The following PTPRE variants were observed in gnomAD, a reference collection of about 807,000 sequenced individuals.
The protein encoded by PTPRE is receptor-type tyrosine-protein phosphatase epsilon.
A neutral mutation model predicts 102.0 loss-of-function variants in PTPRE; 51 were observed. The observed-to-expected ratio is 0.50, with a 90% CI of 0.40 to 0.63. The LOEUF is 0.63. Among genes scored for constraint, PTPRE ranks in the 30% least tolerant of loss-of-function variants. PTPRE has a pLI of 0.00. For synonymous variants in PTPRE, 345 were observed against 348.2 expected (o/e 0.99, Z 0.10); for missense variants, 752 against 915.1 (o/e 0.82, Z 2.30).
chr10:127,990,543 T>A (rs1326131122), intron 2 of PTPRE, among the ~76,000 whole-genome samples: 1 of 151,950 alleles, frequency 6.6e-6, no homozygotes, highest in East Asian at 1.9e-4. Flanking sequence ...TTTAAAGACA[T>A]CTTCAAGACC....
chr10:127,935,295 G>GT (rs1457260634), intron 1 of PTPRE, among the ~76,000 whole-genome samples: 4 of 152,002 alleles, frequency 2.6e-5, no homozygotes, highest in Non-Finnish European at 5.9e-5. Flanking sequence ...TGCGTCAGGA[G>GT]TAAGCAGAGC....
intron 1 of PTPRE, among the ~76,000 whole-genome samples, chr10:127,912,477 C>A (rs1187985087): frequency 6.6e-6 from 1 of 152,042 alleles, no homozygotes; most frequent in Non-Finnish European, 1.5e-5. Flanking sequence ...AGAAATCTTT[C>A]TCCCAAAAAC....
At chr10:127,949,065 C>G (rs1417906181) in intron 1 of PTPRE, among the ~76,000 whole-genome samples, 1 of 152,248 alleles carries the variant, frequency 6.6e-6, no homozygotes, top group Non-Finnish European at 1.5e-5. Context: ...ACACCAGTGC[C>G]CCACCCTCAA....
chr10:127,924,593 C>T (rs536971577), intron 1 of PTPRE, among the ~76,000 whole-genome samples: 1 of 152,316 alleles, frequency 6.6e-6, no homozygotes, highest in Admixed American at 6.5e-5. Flanking sequence ...TTTTTACCAT[C>T]AGGTAACAGT....
intron 1 of PTPRE, among the ~76,000 whole-genome samples, chr10:127,933,540 G>A (rs757254269): frequency 6.6e-6 from 1 of 152,128 alleles, no homozygotes; most frequent in Non-Finnish European, 1.5e-5. Flanking sequence ...TAAACTCTGC[G>A]AGAATTCTGA....
chr10:127,984,013 A>AGCCG (rs1851861170), intron 2 of PTPRE, among the ~76,000 whole-genome samples: 1 of 151,078 alleles, frequency 6.6e-6, no homozygotes, highest in Non-Finnish European at 1.5e-5. Context: ...TGGCGGCCAG[A>AGCCG]GCCGCTTCAG....
At chr10:128,073,153 C>T (rs182471872) in intron 16 of PTPRE, among the ~76,000 whole-genome samples, 184 bp from the exon 17 acceptor site, 8 of 152,278 alleles carry the variant, frequency 5.3e-5, no homozygotes, top group South Asian at 2.1e-4. Context: ...TTCAGATAAG[C>T]GAGCTTCTTG....
intron 10 of PTPRE, among the ~76,000 whole-genome samples, chr10:128,064,719 T>G (rs947105724): frequency 3.3e-5 from 5 of 152,252 alleles, no homozygotes; most frequent in Non-Finnish European, 5.9e-5. Flanking sequence ...TTTCCACTCC[T>G]GTGACTCAGT....
In PTPRE at chr10:128,082,878, T is replaced by C. The variant is rs773016350; in HGVS notation, c.2075T>C (p.Ile692Thr). 6 of 1,555,338 alleles carry C rather than the reference T, an allele frequency of 3.9e-6. No homozygotes were observed. The South Asian group carries it at 7.8e-5, about 20-fold the overall frequency. The change falls in exon 21 of 21, where the codon ATA becomes ACA. Residue 692 changes from isoleucine to threonine, a missense_variant. Transcript: ENST00000254667. Reference sequence around the variant, plus strand: ...AAAGTGGTACAAGATTTTATTGATATATTTTCTGATTATGCTAATTTCAAA... The same window carrying C: ...AAAGTGGTACAAGATTTTATTGATACATTTTCTGATTATGCTAATTTCAAA... Reference protein sequence around the residue: ...CYKVVQDFIDIFSDYANFK With the variant: ...CYKVVQDFIDTFSDYANFK
intron 2 of PTPRE, among the ~76,000 whole-genome samples, chr10:128,015,834 GA>G (rs1372715869): frequency 6.6e-6 from 1 of 152,214 alleles, no homozygotes; most frequent in Non-Finnish European, 1.5e-5. Flanking sequence ...TAAAAGGGGA[GA>G]GCTGGAGAGC....
chr10:127,945,159 G>C (rs561105457), intron 1 of PTPRE, among the ~76,000 whole-genome samples: 2 of 152,186 alleles, frequency 1.3e-5, no homozygotes, highest in Non-Finnish European at 2.9e-5. Flanking sequence ...GCAGTGCCCA[G>C]TACCTGGTTG....
intron 13 of PTPRE, 24 bp downstream of exon 13, chr10:128,069,851 C>G: frequency 6.2e-6 from 10 of 1,614,188 alleles, no homozygotes; most frequent in Non-Finnish European, 8.5e-6. Context: ...TCCTCTTGCC[C>G]TGATCTAGCT....
intron 1 of PTPRE, among the ~76,000 whole-genome samples, chr10:127,940,695 G>A (rs889224787): frequency 6.6e-6 from 1 of 152,172 alleles, no homozygotes; most frequent in Non-Finnish European, 1.5e-5. Context: ...CGTTTCTTGA[G>A]ACAGGGTCTT....
At chr10:128,013,608 G>A (rs1845190045) in intron 2 of PTPRE, among the ~76,000 whole-genome samples, 1 of 152,184 alleles carries the variant, frequency 6.6e-6, no homozygotes, top group Non-Finnish European at 1.5e-5. Flanking sequence ...GGTTGAGGAG[G>A]CGGGGCCTTG....
At chr10:128,068,859 A>C (rs1002771256) in intron 12 of PTPRE, 50 of 152,534 alleles carry the variant, frequency 3.3e-4, no homozygotes, top group African/African-American at 1.2e-3. Context: ...TTTGCACAAC[A>C]TGAAGAATTA....
intron 2 of PTPRE, among the ~76,000 whole-genome samples, chr10:128,027,133 G>C (rs1273271332): frequency 1.3e-5 from 2 of 152,244 alleles, no homozygotes; most frequent in Non-Finnish European, 2.9e-5. Flanking sequence ...GGTATTAGCA[G>C]GCAATGAGGT....
intron 10 of PTPRE, among the ~76,000 whole-genome samples, chr10:128,065,684 A>G (rs886231981): frequency 9.9e-5 from 15 of 152,180 alleles, no homozygotes; most frequent in African/African-American, 3.6e-4. Flanking sequence ...CCAGTGGGAA[A>G]TGTCTGGGGG....
At chr10:127,947,360 C>A (rs1373215987) in intron 1 of PTPRE, among the ~76,000 whole-genome samples, 1 of 152,192 alleles carries the variant, frequency 6.6e-6, no homozygotes, top group Admixed American at 6.5e-5. Flanking sequence ...AGGAAAACCT[C>A]CCCTGATTGT....
intron 2 of PTPRE, among the ~76,000 whole-genome samples, chr10:128,003,213 A>G (rs1854151138): frequency 6.6e-6 from 1 of 152,152 alleles, no homozygotes; most frequent in African/African-American, 2.4e-5. Flanking sequence ...GATGATTCTT[A>G]TAAACCACTC....
Sources: gnomAD v4.1 joint callset for allele counts (sites outside exome capture counted in the v4.1 genomes callset) on GRCh38, gnomAD v4.1.1 for gene constraint, MANE v1.5 for transcripts, NCBI Gene and HGNC (gene_info 2026-07-23, HGNC 2026-07-21) for gene names.